Variants in TSPOAP1 observed in about 807,000 individuals in gnomAD.
TSPOAP1 encodes peripheral-type benzodiazepine receptor-associated protein 1.
A neutral mutation model predicts 197.0 loss-of-function variants in TSPOAP1; 87 were observed. That is an observed-to-expected ratio of 0.44 (90% CI 0.37 to 0.53). The LOEUF is 0.53. Among genes scored for constraint, TSPOAP1 ranks in the 20% least tolerant of loss-of-function variants. The pLI is 0.00. For missense variants in TSPOAP1, 2,174 were observed against 2,411.3 expected, an observed-to-expected ratio of 0.90 and a Z score of 2.06; for synonymous variants, 913 against 998.9, an observed-to-expected ratio of 0.91 and a Z score of 1.62.
At chr17:58,323,184 G>A in intron 7 of TSPOAP1, 114 bp downstream of exon 7, 5 of 1,479,828 alleles carry the variant, frequency 3.4e-6, no homozygotes, top group Non-Finnish European at 4.7e-6. Flanking sequence ...GAGCAGGAGG[G>A]AAAATGTGTT....
Position 58,322,901 on chromosome 17 carries a change from G to A in TSPOAP1, c.1194+49C>T, listed in dbSNP as rs376913884. ...AGAAAGCCCCTTGGCTGGGGACCGG[G>A]GCAGTGGTGGGAGCACAGGTCTCCA... On this transcript the variant is annotated intron_variant, in intron 8 of 31. Transcript: ENST00000343736. This position sits in a 1 kb window ranked among gnomAD's most constrained non-coding sequence, Gnocchi z 5.0. The A allele has an allele frequency of 1.2e-5, 19 of 1,603,564 alleles. No individual in the cohort carries two copies. The highest frequency in any genetic ancestry group is 1.6e-5 in the Non-Finnish European group (19 of 1,174,384).
At chr17:58,318,491 C>T (rs758917549) in intron 13 of TSPOAP1, 39 bp from the exon 14 acceptor site, 42 of 1,583,494 alleles carry the variant, frequency 2.7e-5, no homozygotes, top group Non-Finnish European at 3.5e-5. Flanking sequence ...GGTCTGTGGC[C>T]TGAGGAGGGA....
intron 22 of TSPOAP1, 87 bp downstream of exon 22, chr17:58,308,454 G>T: frequency 6.8e-7 from 1 of 1,478,494 alleles, no homozygotes; most frequent in Non-Finnish European, 8.9e-7. Flanking sequence ...GGCAGGCAGC[G>T]TGGAATGGGA....
chr17:58,326,490 G>C lies in TSPOAP1; in HGVS notation c.442-69C>G. The C allele has an allele frequency of 6.3e-7, 1 of 1,592,536 alleles. No individual in the cohort carries two copies. The highest frequency in any genetic ancestry group is 8.6e-7 in the Non-Finnish European group (1 of 1,169,198). ...CACAGACCCAGTCCTAACAGCCCAAGTCTTGGGCTAGAGCCCTAGGCTCAC... is the reference window on the plus strand; with the variant it reads ...CACAGACCCAGTCCTAACAGCCCAACTCTTGGGCTAGAGCCCTAGGCTCAC... On this transcript the variant is annotated intron_variant, in intron 2 of 31. Coordinates refer to ENST00000343736, the MANE Select transcript of TSPOAP1 (RefSeq NM_004758.4). The surrounding 1 kb of genome is among the most constrained non-coding windows in gnomAD (Gnocchi z 4.7).
intron 11 of TSPOAP1, 72 bp from the exon 12 acceptor site, chr17:58,320,201 G>A (rs1197370276): frequency 6.3e-7 from 1 of 1,575,442 alleles, no homozygotes. Context: ...AGAGAGGGAG[G>A]CGGAGAAGGG....
chr17:58,315,930 T>TG (rs1376702587), intron 16 of TSPOAP1, 93 bp downstream of exon 16: 50 of 919,160 alleles, frequency 5.4e-5, no homozygotes, highest in East Asian at 7.3e-5. Flanking sequence ...GATGGATGGA[T>TG]GAATGGATGG....
rs1000187115 is a variant in TSPOAP1, at chr17:58,302,418, T to A, written c.*62A>T. ...GGGTACAAGGCCCACCTGGGGGCCC[T>A]GGGGACCCTTGTGTGGTGCAGCCCC... is the stretch of plus-strand genomic sequence containing the variant. On this transcript the variant is annotated 3_prime_UTR_variant, in exon 32 of 32. Transcript: ENST00000343736. The A allele has an allele frequency of 7.0e-6, 9 of 1,277,968 alleles. No individual in the cohort carries two copies. The highest frequency in any genetic ancestry group is 1.3e-5 in the South Asian group (1 of 79,582). The allele number at this position is 1,277,968 out of a possible 1,614,324, so 79.2% of individuals were successfully genotyped here.
In TSPOAP1 at chr17:58,319,210, G is replaced by T. The variant is rs148209002; in HGVS notation, c.1579C>A (p.Leu527Met). Reference sequence around the variant, plus strand: ...AGCAGATCCAAGGGGCCCGGGTGCAGGCGGAAAGCCTGGAGTTCCTGTGCC... The same window carrying T: ...AGCAGATCCAAGGGGCCCGGGTGCATGCGGAAAGCCTGGAGTTCCTGTGCC... ...LLAQELQAFR[L>M]HPGPLDLLTS... The change falls in exon 13 of 32, where the codon CTG (leucine) becomes ATG (methionine). Residue 527 changes from leucine to methionine, a missense_variant. This residue lies in a region of TSPOAP1 where 1,933 missense variants were observed against 2,139.0 expected (regional missense o/e 0.90). Transcript: ENST00000343736. 1.9e-6 allele frequency: 3 copies of T among 1,595,048 alleles called. No homozygotes were observed. The highest frequency in any genetic ancestry group is 2.6e-6 in the Non-Finnish European group (3 of 1,170,842).
At position 58,304,484 on chromosome 17, in the gene TSPOAP1, G is replaced by T; in HGVS notation, c.5545-85C>A. On this transcript the variant is annotated intron_variant, in intron 30 of 31. Coordinates refer to ENST00000343736, the MANE Select transcript of TSPOAP1 (RefSeq NM_004758.4). This position sits in a 1 kb window ranked among gnomAD's most constrained non-coding sequence, Gnocchi z 4.2. ...CGGCCACCAGGTGGCCCTGCGCAGG[G>T]GTGGGCCCTACTCTCCAAGGCCTTT... 1 of 1,117,084 alleles carries T rather than the reference G, an allele frequency of 9.0e-7. No individual in the cohort carries two copies. Among genetic ancestry groups the T allele is most frequent in the Non-Finnish European group, 1.4e-6 (1 of 728,444 alleles). 69.2% of individuals were successfully genotyped at this position (1,117,084 alleles called of 1,614,324 possible). A position where few individuals can be genotyped will look rare whatever the true frequency, so the allele number is the denominator to read the frequency against.
At chr17:58,319,699 C>T (rs985497080) in intron 12 of TSPOAP1, among the ~76,000 whole-genome samples, 2 of 152,228 alleles carry the variant, frequency 1.3e-5, no homozygotes, top group Non-Finnish European at 1.5e-5. Flanking sequence ...AACTCAAACC[C>T]GTTCCCTGAG....
At position 58,309,366 on chromosome 17, in the gene TSPOAP1, G is replaced by A. The variant is rs1430210539; in HGVS notation, c.3906C>T (p.Pro1302=). The A allele has an allele frequency of 2.5e-6, 4 of 1,610,912 alleles. No individual in the cohort carries two copies. The highest frequency in any genetic ancestry group is 3.4e-6 in the Non-Finnish European group (4 of 1,179,350). ...CCTCATCGCTGTCAGTCTCACAAAA[G>A]GGGTCGGGCTGGGACTGGTGGAGGT... ...RENGAKSQPD[P]FCETDSDEEI... Residue 1302 remains proline (P), a synonymous_variant, in exon 22 of 32, where the codon CCC becomes CCT. Coordinates refer to ENST00000343736, the MANE Select transcript of TSPOAP1 (RefSeq NM_004758.4). The surrounding 1 kb of genome is among the most constrained non-coding windows in gnomAD (Gnocchi z 5.0).
Position 58,324,906 on chromosome 17 carries a change from T to TGCGCA in TSPOAP1, c.842_846dup (p.Asn283CysfsTer46). 6.5e-7 allele frequency: 1 copy of TGCGCA among 1,535,610 alleles called. No individual in the cohort carries two copies. The highest frequency in any genetic ancestry group is 8.7e-7 in the Non-Finnish European group (1 of 1,145,266). On this transcript the variant is annotated frameshift_variant, in exon 5 of 32. Transcript: ENST00000343736. LOFTEE classifies it high-confidence loss of function. This position sits in a 1 kb window ranked among gnomAD's most constrained non-coding sequence, Gnocchi z 5.8. ...GGGAGCGGGAGCGTCTCCCGCTGGT[T>TGCGCA]GCGCAGCGCGATCTGCCTCTGCAGC...
chr17:58,315,908 GATGGATGGATGGATGGATGGATGA>G (rs1013188866), intron 16 of TSPOAP1, 91 bp downstream of exon 16: 116 of 793,924 alleles, frequency 1.5e-4, no homozygotes, highest in Non-Finnish European at 2.0e-4. Context: ...TGGATGGATG[GATGGATGGATGGATGGATGGATGA>G]ATGGATGGAT....
chr17:58,308,017 C>T (rs1970956409), intron 22 of TSPOAP1, 76 bp from the exon 23 acceptor site: 1 of 1,397,242 alleles, frequency 7.2e-7, no homozygotes. Flanking sequence ...CAGCTCTGCC[C>T]CATCAGCGTA....
chr17:58,306,283 C>T (rs956473534), intron 26 of TSPOAP1, 59 bp downstream of exon 26: 13 of 1,470,110 alleles, frequency 8.8e-6, no homozygotes, highest in South Asian at 6.1e-5. Context: ...AGCCAAGCAG[C>T]GCCACCCCAC....
At position 58,308,467 on chromosome 17, in the gene TSPOAP1, T is replaced by C. The variant is rs543506272; in HGVS notation, c.4731+74A>G. On this transcript the variant is annotated intron_variant, in intron 22 of 31. Transcript: ENST00000343736. ...GAGGCAGGCAGCGTGGAATGGGAGC[T>C]GCTGGTGGGCAGCAAGCAGGGCCAC... 26 of 1,484,714 alleles carry C rather than the reference T, an allele frequency of 1.8e-5. No individual in the cohort carries two copies. In the Admixed American group the frequency reaches 4.2e-4, roughly 24 times the overall value. The allele number at this position is 1,484,714 out of a possible 1,614,324, so 92.0% of individuals were successfully genotyped here. A position where few individuals can be genotyped will look rare whatever the true frequency, so the allele number is the denominator to read the frequency against.
intron 11 of TSPOAP1, 24 bp downstream of exon 11, chr17:58,320,507 G>A (rs767383142): frequency 1.3e-6 from 2 of 1,510,180 alleles, no homozygotes; most frequent in Admixed American, 4.4e-5. Flanking sequence ...TGGTGGAACT[G>A]GGGGCCACTT....
intron 27 of TSPOAP1, 45 bp downstream of exon 27, chr17:58,305,788 C>A (rs750228045): frequency 6.2e-7 from 1 of 1,610,210 alleles, no homozygotes; most frequent in East Asian, 2.2e-5. Flanking sequence ...GGCCACCCAC[C>A]CTATCTCCTT....
At position 58,312,662 on chromosome 17, in the gene TSPOAP1, T is replaced by A; in HGVS notation, c.2159A>T (p.Asp720Val). The A allele has an allele frequency of 1.2e-6, 2 of 1,613,628 alleles. No homozygotes were observed. The highest frequency in any genetic ancestry group is 1.7e-6 in the Non-Finnish European group (2 of 1,180,018). Residue 720 changes from aspartate to valine, a missense_variant, in exon 17 of 32, where the codon GAT becomes GTT. This residue lies in a region of TSPOAP1 where 1,933 missense variants were observed against 2,139.0 expected (regional missense o/e 0.90). Coordinates refer to ENST00000343736, the MANE Select transcript of TSPOAP1 (RefSeq NM_004758.4). Reference protein sequence around the residue: ...VPSNFVERVSDDDLLTSLPPE... With the variant: ...VPSNFVERVSVDDLLTSLPPE... ...AGGGAGGGAGGTCAGGAGGTCATCA[T>A]CCGACACACGCTCTACAAAATTGGA... is the stretch of plus-strand genomic sequence containing the variant.
Sources: allele counts gnomAD v4.1 joint callset (sites outside exome capture counted in the v4.1 genomes callset), GRCh38; gene constraint gnomAD v4.1.1; regional missense constraint gnomAD v4.1.1; non-coding constraint Gnocchi (gnomAD v3.1); transcripts MANE v1.5; gene names NCBI Gene and HGNC (gene_info 2026-07-23, HGNC 2026-07-21).